Variants in ZNF804B observed in about 807,000 individuals in gnomAD.
The protein encoded by ZNF804B is zinc finger protein 804B, also known as zinc finger 804B.
ZNF804B carries 80 observed loss-of-function variants against 101.4 expected under a neutral mutation model. The observed-to-expected ratio is 0.79, with a 90% CI of 0.66 to 0.95. The LOEUF (loss-of-function observed/expected upper bound fraction) is 0.95, where lower values mean the gene tolerates loss of function less well. Among genes scored for constraint, ZNF804B ranks in the 40% least tolerant of loss-of-function variants. The pLI is 0.00. For synonymous variants in ZNF804B, 622 were observed against 558.8 expected (o/e 1.11, Z -1.59); for missense variants, 1,673 against 1,561.9 (o/e 1.07, Z -1.20).
chr7:89,081,651 A>G (rs1185175688), intron 1 of ZNF804B, among the ~76,000 whole-genome samples: 1 of 151,794 alleles, frequency 6.6e-6, no homozygotes, highest in East Asian at 1.9e-4. Context: ...GGGGATTCAC[A>G]TAATCTCTAA....
chr7:89,338,353 C>G lies in ZNF804B; in HGVS notation c.*1321C>G, dbSNP rs887300657. Among the ~76,000 whole-genome samples the G allele has an allele frequency of 1.3e-5, 2 of 152,000 alleles. No homozygotes were observed. The highest frequency in any genetic ancestry group is 2.9e-5 in the Non-Finnish European group (2 of 67,934). On this transcript the variant is annotated 3_prime_UTR_variant, in exon 4 of 4. Transcript: ENST00000333190. ...CTTGTTGTGATTCAGGTACAGTTAC[C>G]CTATCCACTTGTTTGCATTATCTTC... is the stretch of plus-strand genomic sequence containing the variant.
chr7:88,879,778 C>T (rs1792005734), intron 1 of ZNF804B, among the ~76,000 whole-genome samples: 2 of 152,164 alleles, frequency 1.3e-5, no homozygotes, highest in African/African-American at 4.8e-5. Context: ...GTGGCTCATG[C>T]CTGTCATGCC....
chr7:89,203,090 T>C (rs567493135), intron 1 of ZNF804B, among the ~76,000 whole-genome samples: 227 of 152,152 alleles, frequency 1.5e-3, no homozygotes, highest in Non-Finnish European at 2.6e-3. Flanking sequence ...CAGTATGGCT[T>C]GTTGAGTTGA....
chr7:88,893,857 T>C (rs920160448), intron 1 of ZNF804B, among the ~76,000 whole-genome samples: 3 of 152,154 alleles, frequency 2.0e-5, no homozygotes, highest in African/African-American at 7.2e-5. Flanking sequence ...AAATTAACAT[T>C]CATTGGGGAC....
At chr7:89,065,454 G>C (rs1583965736) in intron 1 of ZNF804B, among the ~76,000 whole-genome samples, 1 of 151,946 alleles carries the variant, frequency 6.6e-6, no homozygotes, top group African/African-American at 2.4e-5. Flanking sequence ...GTATTCTGAT[G>C]ATGCAATAAA....
chr7:89,298,214 G>GTGTA lies in ZNF804B; in HGVS notation c.250-29128_250-29125dup, dbSNP rs1554391307. ...ATATATCTATATAGTGTGTGTGTGTGTGTATATATATATATATATATATAT... is the reference window on the plus strand; with the variant it reads ...ATATATCTATATAGTGTGTGTGTGTGTGTATGTATATATATATATATATATATAT... On this transcript the variant is annotated intron_variant, in intron 2 of 3. Coordinates refer to ENST00000333190, the MANE Select transcript of ZNF804B (RefSeq NM_181646.5). 3.2e-4 allele frequency among the ~76,000 whole-genome samples: 19 copies of GTGTA among 58,684 alleles called. 2 individuals are homozygous for GTGTA. The South Asian group carries it at 6.3e-3, about 19-fold the overall frequency. The allele number at this position is 58,684 out of a possible 152,430, so 38.5% of individuals were successfully genotyped here. A position where few individuals can be genotyped will look rare whatever the true frequency, so the allele number is the denominator to read the frequency against.
At chr7:89,269,958 A>T (rs1046366353) in intron 2 of ZNF804B, among the ~76,000 whole-genome samples, 1 of 151,942 alleles carries the variant, frequency 6.6e-6, no homozygotes, top group African/African-American at 2.4e-5. Context: ...TAGATTCTGG[A>T]TATTAGCCCT....
intron 1 of ZNF804B, among the ~76,000 whole-genome samples, chr7:88,977,241 T>C (rs1793628488): frequency 1.3e-5 from 2 of 151,438 alleles, no homozygotes. Flanking sequence ...GGTATCAGGG[T>C]AATACTGGCC....
At chr7:89,308,318 A>G (rs1474527170) in intron 2 of ZNF804B, among the ~76,000 whole-genome samples, 1 of 152,142 alleles carries the variant, frequency 6.6e-6, no homozygotes, top group East Asian at 1.9e-4. Flanking sequence ...GAGTTCTGAA[A>G]ATTAGTTGTG....
chr7:89,040,684 G>GAT (rs1789003556), intron 1 of ZNF804B, among the ~76,000 whole-genome samples: 1 of 152,090 alleles, frequency 6.6e-6, no homozygotes, highest in Non-Finnish European at 1.5e-5. Context: ...TTGATTATTT[G>GAT]TAATCCTGTG....
intron 1 of ZNF804B, among the ~76,000 whole-genome samples, chr7:88,762,736 C>T (rs1297475130): frequency 2.0e-5 from 3 of 150,724 alleles, no homozygotes; most frequent in Admixed American, 2.0e-4. Flanking sequence ...CAGGAATGAC[C>T]TAAAATTGAC....
chr7:88,922,072 A>G (rs895623362), intron 1 of ZNF804B, among the ~76,000 whole-genome samples: 1 of 152,090 alleles, frequency 6.6e-6, no homozygotes, highest in Non-Finnish European at 1.5e-5. Context: ...ACTCAAGATT[A>G]TGGCACAACT....
chr7:88,977,329 CT>C (rs1793630423), intron 1 of ZNF804B, among the ~76,000 whole-genome samples: 2 of 149,048 alleles, frequency 1.3e-5, no homozygotes, highest in African/African-American at 4.9e-5. Context: ...GGTATTAGTT[CT>C]TTTTTAAATG....
chr7:89,184,490 T>C (rs1249229290), intron 1 of ZNF804B, among the ~76,000 whole-genome samples: 3 of 152,114 alleles, frequency 2.0e-5, no homozygotes, highest in African/African-American at 7.2e-5. Context: ...TAACTTTAAA[T>C]GTCAGTTCTT....
intron 1 of ZNF804B, among the ~76,000 whole-genome samples, chr7:88,833,477 C>T (rs1015437454): frequency 6.6e-6 from 1 of 151,712 alleles, no homozygotes; most frequent in Non-Finnish European, 1.5e-5. Flanking sequence ...TAGGGAGTTA[C>T]AATATTAAGA....
At chr7:89,064,750 C>T (rs568059537) in intron 1 of ZNF804B, among the ~76,000 whole-genome samples, 1 of 152,236 alleles carries the variant, frequency 6.6e-6, no homozygotes, top group East Asian at 1.9e-4. Flanking sequence ...TTGTAATTAT[C>T]TCTCATCCTC....
At chr7:89,280,849 C>T (rs1790082590) in intron 2 of ZNF804B, among the ~76,000 whole-genome samples, 1 of 152,174 alleles carries the variant, frequency 6.6e-6, no homozygotes, top group South Asian at 2.1e-4. Context: ...GGTACCATTC[C>T]TTCTGAAACT....
intron 1 of ZNF804B, among the ~76,000 whole-genome samples, chr7:89,088,816 G>A (rs1333905728): frequency 6.6e-6 from 1 of 151,710 alleles, no homozygotes; most frequent in African/African-American, 2.4e-5. Flanking sequence ...GAAATGGGAG[G>A]CAGTTGATGT....
At chr7:89,271,996 A>C (rs941209186) in intron 2 of ZNF804B, among the ~76,000 whole-genome samples, 5 of 152,050 alleles carry the variant, frequency 3.3e-5, no homozygotes, top group Non-Finnish European at 7.4e-5. Context: ...AAAAACCTTC[A>C]TTGTGTCTTT....
Sources: gnomAD v4.1 joint callset for allele counts (sites outside exome capture counted in the v4.1 genomes callset) on GRCh38, gnomAD v4.1.1 for gene constraint, MANE v1.5 for transcripts, NCBI Gene and HGNC (gene_info 2026-07-23, HGNC 2026-07-21) for gene names.